Variants in CMKLR2 observed in about 807,000 individuals in gnomAD.
CMKLR2 encodes chemerin chemokine-like receptor 2, also known as chemerin-like receptor 2.
In CMKLR2, 18 loss-of-function variants were observed where a neutral mutation model predicts 23.0. That is an observed-to-expected ratio of 0.78 (90% CI 0.54 to 1.16). The LOEUF is 1.16. Among genes scored for constraint, CMKLR2 ranks in the 50% most tolerant of loss-of-function variants. The probability of loss-of-function intolerance (pLI) is 0.00; values close to 1 mark genes in which losing one functional copy is unlikely to be tolerated. For missense variants in CMKLR2, 401 were observed against 412.7 expected, an observed-to-expected ratio of 0.97 and a Z score of 0.25; for synonymous variants, 158 against 158.9, an observed-to-expected ratio of 0.99 and a Z score of 0.05.
At chr2:206,185,077 T>A (rs557675677) in intron 1 of CMKLR2, among the ~76,000 whole-genome samples, 1 of 152,228 alleles carries the variant, frequency 6.6e-6, no homozygotes, top group East Asian at 1.9e-4. Context: ...AACCTTCACA[T>A]CCTGGGTTCC....
chr2:206,207,629 G>A (rs1387255560), intron 1 of CMKLR2, among the ~76,000 whole-genome samples: 4 of 150,464 alleles, frequency 2.7e-5, no homozygotes, highest in African/African-American at 9.8e-5. Context: ...AGAATCCTGG[G>A]AGGTACTGTT....
intron 1 of CMKLR2, among the ~76,000 whole-genome samples, chr2:206,190,839 GC>G (rs566408514): frequency 3.9e-4 from 60 of 152,168 alleles, no homozygotes; most frequent in Non-Finnish European, 7.2e-4. Flanking sequence ...CTGCATGTCA[GC>G]CCCCATGCTT....
chr2:206,186,251 A>G (rs1281608829), intron 1 of CMKLR2, among the ~76,000 whole-genome samples: 1 of 151,726 alleles, frequency 6.6e-6, no homozygotes, highest in South Asian at 2.1e-4. Context: ...AGCTGGGACT[A>G]CAGGTGCCCA....
intron 1 of CMKLR2, among the ~76,000 whole-genome samples, chr2:206,186,353 C>T (rs1265788798): frequency 1.3e-5 from 2 of 152,010 alleles, no homozygotes; most frequent in African/African-American, 2.4e-5. Context: ...CCTTGTGATC[C>T]GCCTGCCTCG....
intron 1 of CMKLR2, among the ~76,000 whole-genome samples, chr2:206,210,725 T>C (rs1283674699): frequency 6.6e-6 from 1 of 152,126 alleles, no homozygotes; most frequent in Non-Finnish European, 1.5e-5. Context: ...CCTCCCAAAA[T>C]GCTCGGATTA....
chr2:206,198,941 C>T (rs1689002904), intron 1 of CMKLR2, among the ~76,000 whole-genome samples: 1 of 152,220 alleles, frequency 6.6e-6, no homozygotes, highest in African/African-American at 2.4e-5. Flanking sequence ...AGGTTATAAA[C>T]ATCAGCAGTG....
chr2:206,205,996 G>T (rs868820752), intron 1 of CMKLR2, among the ~76,000 whole-genome samples: 14 of 152,224 alleles, frequency 9.2e-5, no homozygotes, highest in Middle Eastern at 3.4e-3. Flanking sequence ...ACTGCGCCTG[G>T]CCTGTTTGGT....
Position 206,177,182 on chromosome 2 carries a change from G to C in CMKLR2, c.66C>G (p.Tyr22Ter). The C allele has an allele frequency of 6.2e-7, 1 of 1,613,796 alleles. No homozygotes were observed. Among genetic ancestry groups the C allele is most frequent in the Non-Finnish European group, 8.5e-7 (1 of 1,179,716 alleles). The change falls in exon 2 of 2, where the codon TAC (tyrosine) becomes TAG (stop). Residue 22 changes from tyrosine (Y) to a stop codon, truncating the protein, a stop_gained. Transcript: ENST00000621141. LOFTEE classifies it high-confidence loss of function. ...FENYSYDLDY[Y>*]SLESDLEEKV... ...TCTCCTCCAAATCAGACTCCAGAGA[G>C]TAATAGTCTAGGTCATAGGAATAGT...
intron 1 of CMKLR2, among the ~76,000 whole-genome samples, chr2:206,204,346 T>C (rs541578751): frequency 9.1e-6 from 1 of 109,724 alleles, no homozygotes; most frequent in African/African-American, 3.6e-5. Flanking sequence ...AGAGCGAGAC[T>C]CCATCTCAAA....
intron 1 of CMKLR2, among the ~76,000 whole-genome samples, chr2:206,193,497 T>G (rs1559090194): frequency 6.6e-6 from 1 of 152,224 alleles, no homozygotes; most frequent in Non-Finnish European, 1.5e-5. Flanking sequence ...TTCTGTAACT[T>G]TACATTTGTA....
intron 1 of CMKLR2, among the ~76,000 whole-genome samples, chr2:206,180,562 G>A (rs371467392): frequency 7.2e-4 from 109 of 152,104 alleles, no homozygotes; most frequent in African/African-American, 2.5e-3. Context: ...CACCTCCCAA[G>A]TAGCTGGGAC....
intron 1 of CMKLR2, among the ~76,000 whole-genome samples, chr2:206,209,150 C>T (rs1242069447): frequency 6.6e-6 from 1 of 151,902 alleles, no homozygotes; most frequent in East Asian, 1.9e-4. Flanking sequence ...CCAGCCTGGC[C>T]AACATGGTGA....
intron 1 of CMKLR2, among the ~76,000 whole-genome samples, chr2:206,196,500 A>G (rs988716230): frequency 1.3e-5 from 2 of 152,226 alleles, no homozygotes; most frequent in African/African-American, 4.8e-5. Context: ...GAATGAAAAA[A>G]CAAAACAAAA....
At chr2:206,186,981 AG>A (rs1688600540) in intron 1 of CMKLR2, among the ~76,000 whole-genome samples, 1 of 152,030 alleles carries the variant, frequency 6.6e-6, no homozygotes, top group Non-Finnish European at 1.5e-5. Flanking sequence ...TGAGCCCAGG[AG>A]TTCAAGACCA....
intron 1 of CMKLR2, among the ~76,000 whole-genome samples, chr2:206,194,640 C>G (rs544743404): frequency 6.6e-6 from 1 of 150,636 alleles, no homozygotes; most frequent in Non-Finnish European, 1.5e-5. Flanking sequence ...TTCACCATGT[C>G]GGCCAGGCTG....
At chr2:206,190,386 T>G (rs1688713279) in intron 1 of CMKLR2, among the ~76,000 whole-genome samples, 1 of 152,178 alleles carries the variant, frequency 6.6e-6, no homozygotes, top group Non-Finnish European at 1.5e-5. Context: ...GAATATTTGT[T>G]TTTGTAAAGA....
chr2:206,207,075 G>C (rs1689353728), intron 1 of CMKLR2, among the ~76,000 whole-genome samples: 1 of 151,556 alleles, frequency 6.6e-6, no homozygotes, highest in Non-Finnish European at 1.5e-5. Flanking sequence ...AAGATGATGA[G>C]ATTTTTCTCT....
chr2:206,212,371 C>G (rs1052212275), intron 1 of CMKLR2, among the ~76,000 whole-genome samples: 1 of 133,396 alleles, frequency 7.5e-6, no homozygotes, highest in African/African-American at 2.8e-5. Context: ...AACTTGAGAC[C>G]CAGGAAAGGT....
At chr2:206,206,408 A>T (rs1213916964) in intron 1 of CMKLR2, among the ~76,000 whole-genome samples, 6 of 152,252 alleles carry the variant, frequency 3.9e-5, no homozygotes, top group African/African-American at 1.2e-4. Flanking sequence ...TTATATCAAC[A>T]TGGCATTTTC....
Sources: gnomAD v4.1 joint callset for allele counts (sites outside exome capture counted in the v4.1 genomes callset) on GRCh38, gnomAD v4.1.1 for gene constraint, MANE v1.5 for transcripts, NCBI Gene and HGNC (gene_info 2026-07-23, HGNC 2026-07-21) for gene names.